The following CDH18 variants were observed in gnomAD, a reference collection of about 807,000 sequenced individuals.
CDH18 encodes the protein cadherin 18, also known as cadherin-18.
CDH18 carries 31 observed loss-of-function variants against 67.9 expected under a neutral mutation model. That is an observed-to-expected ratio of 0.46 (90% CI 0.34 to 0.62). The LOEUF is 0.62. CDH18 is among the 20% of genes least tolerant of loss of function. CDH18 has a pLI of 0.01. For missense variants in CDH18, 890 were observed against 975.5 expected (o/e 0.91, Z 1.17); for synonymous variants, 362 against 347.2 (o/e 1.04, Z -0.48).
At chr5:20,006,455 T>G (rs562267965) in intron 2 of CDH18, among the ~76,000 whole-genome samples, 1 of 151,920 alleles carries the variant, frequency 6.6e-6, no homozygotes, top group Non-Finnish European at 1.5e-5. Flanking sequence ...TTTGGAACTG[T>G]TAGAATTTTT....
intron 1 of CDH18, among the ~76,000 whole-genome samples, chr5:20,474,440 C>T (rs1005250392): frequency 6.6e-6 from 1 of 152,084 alleles, no homozygotes; most frequent in Non-Finnish European, 1.5e-5. Context: ...CTCACCTGGC[C>T]GAAAGAAACA....
chr5:19,659,823 C>A (rs1457299906), intron 5 of CDH18, among the ~76,000 whole-genome samples: 1 of 152,008 alleles, frequency 6.6e-6, no homozygotes, highest in African/African-American at 2.4e-5. Context: ...GACCTCCTAG[C>A]CTCCAAAATG....
At chr5:20,574,018 T>C (rs1380483479) in intron 1 of CDH18, among the ~76,000 whole-genome samples, 1 of 150,038 alleles carries the variant, frequency 6.7e-6, no homozygotes, top group Non-Finnish European at 1.5e-5. Context: ...TATTCTCTAA[T>C]ACATATCTCT....
chr5:20,564,786 G>T (rs1758408960), intron 1 of CDH18, among the ~76,000 whole-genome samples: 1 of 152,032 alleles, frequency 6.6e-6, no homozygotes, highest in South Asian at 2.1e-4. Flanking sequence ...TCACTGTAAG[G>T]GTCAGAGATC....
At chr5:20,344,196 A>G (rs903894032) in intron 1 of CDH18, among the ~76,000 whole-genome samples, 1 of 152,074 alleles carries the variant, frequency 6.6e-6, no homozygotes, top group African/African-American at 2.4e-5. Flanking sequence ...AAAGAATAAA[A>G]CTTACCAATT....
intron 4 of CDH18, among the ~76,000 whole-genome samples, chr5:19,722,219 A>C (rs1330049116): frequency 6.6e-6 from 1 of 151,842 alleles, no homozygotes; most frequent in Non-Finnish European, 1.5e-5. Context: ...ATGCCCAGAT[A>C]ATTTTTGTAT....
intron 2 of CDH18, among the ~76,000 whole-genome samples, chr5:19,956,047 T>C (rs1159906813): frequency 6.6e-6 from 1 of 152,038 alleles, no homozygotes; most frequent in East Asian, 1.9e-4. Context: ...AACATGATAT[T>C]TTCATAGTAG....
intron 1 of CDH18, among the ~76,000 whole-genome samples, chr5:20,376,091 A>ATTTTTTTTTTTTTTTTTTTTTTC (rs562655039): frequency 2.0e-5 from 1 of 49,748 alleles, no homozygotes; most frequent in Non-Finnish European, 3.8e-5. Flanking sequence ...AAAAGAAACA[A>ATTTTTTTTTTTTTTTTTTTTTTC]TTTTTTTTTT....
At chr5:20,119,166 T>G (rs546498409) in intron 2 of CDH18, among the ~76,000 whole-genome samples, 1 of 152,196 alleles carries the variant, frequency 6.6e-6, no homozygotes, top group Non-Finnish European at 1.5e-5. Flanking sequence ...AATATTGGGT[T>G]GTATTGTTGG....
chr5:19,853,829 A>C (rs1783976872), intron 2 of CDH18, among the ~76,000 whole-genome samples: 1 of 152,146 alleles, frequency 6.6e-6, no homozygotes, highest in South Asian at 2.1e-4. Context: ...ACAAGACAGA[A>C]AATGCTTACA....
chr5:19,686,216 A>G (rs748853497), intron 5 of CDH18, among the ~76,000 whole-genome samples: 37 of 152,154 alleles, frequency 2.4e-4, no homozygotes, highest in Admixed American at 3.9e-4. Context: ...TATGGGAAAA[A>G]TAGAGTCAAG....
At chr5:20,473,186 T>A (rs1355922792) in intron 1 of CDH18, among the ~76,000 whole-genome samples, 1 of 152,066 alleles carries the variant, frequency 6.6e-6, no homozygotes, top group Non-Finnish European at 1.5e-5. Context: ...AATGTTTTGT[T>A]CTACTTAATA....
intron 1 of CDH18, among the ~76,000 whole-genome samples, chr5:20,574,905 C>A (rs1485055333): frequency 6.6e-6 from 1 of 151,660 alleles, no homozygotes; most frequent in Non-Finnish European, 1.5e-5. Flanking sequence ...AATAAGAGGG[C>A]AGTCTAATGT....
rs1408084239 is a variant in CDH18, at chr5:19,807,166, T to C, written c.228+31593A>G. On this transcript the variant is annotated intron_variant, in intron 3 of 12. Coordinates refer to ENST00000382275, the MANE Select transcript of CDH18 (RefSeq NM_004934.5). ...GAGGGGAACAAAATATAGGGACCTGTTGGGATTTGTGGTGGGGGTAGAGAG... is the reference window on the plus strand; with the variant it reads ...GAGGGGAACAAAATATAGGGACCTGCTGGGATTTGTGGTGGGGGTAGAGAG... 3.3e-5 allele frequency among the ~76,000 whole-genome samples: 5 copies of C among 152,018 alleles called. No individual in the cohort carries two copies. The East Asian group carries it at 5.8e-4, about 18-fold the overall frequency.
chr5:19,836,754 C>A (rs1347559061), intron 3 of CDH18, among the ~76,000 whole-genome samples: 1 of 152,078 alleles, frequency 6.6e-6, no homozygotes, highest in African/African-American at 2.4e-5. Flanking sequence ...ACGCCTACAT[C>A]CTGAATATTA....
chr5:20,275,665 T>C (rs191620557), intron 1 of CDH18, among the ~76,000 whole-genome samples: 1 of 152,150 alleles, frequency 6.6e-6, no homozygotes, highest in Non-Finnish European at 1.5e-5. Flanking sequence ...CTTCACTGAT[T>C]AACCTCCCTG....
At chr5:19,813,573 C>A (rs538600324) in intron 3 of CDH18, among the ~76,000 whole-genome samples, 1 of 151,996 alleles carries the variant, frequency 6.6e-6, no homozygotes, top group Non-Finnish European at 1.5e-5. Flanking sequence ...AATCATTTAT[C>A]TGCAACCTGT....
chr5:20,354,565 C>T (rs980573018), intron 1 of CDH18, among the ~76,000 whole-genome samples: 2 of 152,054 alleles, frequency 1.3e-5, no homozygotes, highest in Non-Finnish European at 2.9e-5. Flanking sequence ...CCACACGTGG[C>T]GATTTTTTGT....
intron 1 of CDH18, among the ~76,000 whole-genome samples, chr5:20,543,184 C>A (rs1703061): frequency 2.0e-5 from 3 of 151,748 alleles, no homozygotes; most frequent in Non-Finnish European, 2.9e-5. Context: ...ATGGTTAAAC[C>A]TGCATCAAAA....
Sources: allele counts gnomAD v4.1 joint callset (sites outside exome capture counted in the v4.1 genomes callset), GRCh38; gene constraint gnomAD v4.1.1; transcripts MANE v1.5; gene names NCBI Gene and HGNC (gene_info 2026-07-23, HGNC 2026-07-21).